ALG10B: variants seen among roughly 807,000 people sequenced by gnomAD.
The protein encoded by ALG10B is dol-P-Glc:Glc(2)Man(9)GlcNAc(2)-PP-Dol alpha-1,2-glucosyltransferase B.
Under a neutral mutation model 38.7 loss-of-function variants are expected in ALG10B, and 27 were observed. The observed-to-expected ratio is 0.70, with a 90% confidence interval of 0.51 to 0.96. The LOEUF is 0.96. Among genes scored for constraint, ALG10B ranks in the 40% least tolerant of loss-of-function variants. The pLI is 0.00. For synonymous variants in ALG10B, 177 were observed against 193.3 expected (o/e 0.92, Z 0.70); for missense variants, 522 against 542.7 (o/e 0.96, Z 0.38).
At position 38,320,963 on chromosome 12, in the gene ALG10B, A is replaced by C; in HGVS notation, c.1172A>C (p.Lys391Thr). 1 of 1,613,592 alleles carries C rather than the reference A, an allele frequency of 6.2e-7. No individual in the cohort carries two copies. The change falls in exon 3 of 3, where the codon AAG becomes ACG. Residue 391 changes from lysine to threonine, a missense_variant. Physicochemically the swap from Lys to Thr is moderately conservative, Grantham distance 78. Transcript: ENST00000308742. ...AGTATAGCTGACTCATTGAAATCAA[A>C]GCCAATTTTTTGGAATTTAATGTTT... Reference protein sequence around the residue: ...GWSIADSLKSKPIFWNLMFFI... With the variant: ...GWSIADSLKSTPIFWNLMFFI...
In ALG10B at chr12:38,321,954, G is replaced by A. The variant is rs1428613069; in HGVS notation, c.*741G>A. ...GGATTTCCTTTATGAAATACATATT[G>A]TATTAGCTTCCCAGGGCTGCCATAA... On this transcript the variant is annotated 3_prime_UTR_variant, in exon 3 of 3. Coordinates refer to ENST00000308742, the MANE Select transcript of ALG10B (RefSeq NM_001013620.4). The A allele has an allele frequency of 6.6e-6, 1 of 152,116 alleles. No homozygotes were observed. Among genetic ancestry groups the A allele is most frequent in the Non-Finnish European group, 1.5e-5 (1 of 67,998 alleles). The allele number at this position is 152,116 out of a possible 1,614,324, so 9.4% of individuals were successfully genotyped here. A position where few individuals can be genotyped will look rare whatever the true frequency, so the allele number is the denominator to read the frequency against.
intron 2 of ALG10B, among the ~76,000 whole-genome samples, chr12:38,318,789 A>C (rs1483630471): frequency 1.3e-5 from 2 of 152,168 alleles, no homozygotes; most frequent in African/African-American, 4.8e-5. Flanking sequence ...AAACGTATAT[A>C]TTCAGTAGGG....
chr12:38,320,716 C>T lies in ALG10B; in HGVS notation c.925C>T (p.Pro309Ser), dbSNP rs1945695636. ...LFFSFPHLLSPSKIKTFLSLV... is the reference protein window; with the variant it reads ...LFFSFPHLLSSSKIKTFLSLV... Reference sequence around the variant, plus strand: ...TTTTTCTTTTCCTCATCTCCTGTCTCCTAGCAAAATTAAGACTTTTCTTTC... The same window carrying T: ...TTTTTCTTTTCCTCATCTCCTGTCTTCTAGCAAAATTAAGACTTTTCTTTC... The change falls in exon 3 of 3, where the codon CCT becomes TCT. Residue 309 changes from proline to serine, a missense_variant. Transcript: ENST00000308742. 3.1e-6 allele frequency: 5 copies of T among 1,613,714 alleles called. No individual in the cohort carries two copies. The highest frequency in any genetic ancestry group is 4.2e-6 in the Non-Finnish European group (5 of 1,179,932).
In ALG10B at chr12:38,324,178, G is replaced by A. The variant is rs557221228; in HGVS notation, c.*2965G>A. 4.8e-5 allele frequency: 20 copies of A among 416,584 alleles called. No homozygotes were observed. Among genetic ancestry groups the A allele is most frequent in the South Asian group, 3.1e-4 (7 of 22,934 alleles). The allele number at this position is 416,584 out of a possible 1,614,324, so 25.8% of individuals were successfully genotyped here. A position where few individuals can be genotyped will look rare whatever the true frequency, so the allele number is the denominator to read the frequency against. ...CTCCCGAGTAGCTGAGATTATAGGCGCCCACCACCAAGCCTGGCTAATTTT... is the reference window on the plus strand; with the variant it reads ...CTCCCGAGTAGCTGAGATTATAGGCACCCACCACCAAGCCTGGCTAATTTT... On this transcript the variant is annotated 3_prime_UTR_variant, in exon 3 of 3. Transcript: ENST00000308742.
In ALG10B at chr12:38,322,329, C is replaced by G. The variant is rs371099846; in HGVS notation, c.*1116C>G. 8.5e-5 allele frequency: 13 copies of G among 152,232 alleles called. No individual in the cohort carries two copies. Among genetic ancestry groups the G allele is most frequent in the African/African-American group, 2.9e-4 (12 of 41,556 alleles). The allele number at this position is 152,232 out of a possible 1,614,324, so 9.4% of individuals were successfully genotyped here. On this transcript the variant is annotated 3_prime_UTR_variant, in exon 3 of 3. Coordinates refer to ENST00000308742, the MANE Select transcript of ALG10B (RefSeq NM_001013620.4). ...GTCTGGAGACCCTTAATTATGTTTACAAAGACCCATGTTCCAAGTAAGTTT... is the reference window on the plus strand; with the variant it reads ...GTCTGGAGACCCTTAATTATGTTTAGAAAGACCCATGTTCCAAGTAAGTTT...
intron 2 of ALG10B, among the ~76,000 whole-genome samples, chr12:38,318,858 T>C (rs535720932): frequency 6.6e-6 from 1 of 152,300 alleles, no homozygotes; most frequent in South Asian, 2.1e-4. Context: ...CGGAGGTCGA[T>C]TGCCTGGGTT....
In ALG10B at chr12:38,327,998, T is replaced by C. The variant is rs1945760840; in HGVS notation, c.*6785T>C. ...ATTAGATTGCAAATCATGAAAAGCA[T>C]AACTTCTAATTGTTTAGTCTTTTTA... On this transcript the variant is annotated 3_prime_UTR_variant, in exon 3 of 3. Transcript: ENST00000308742. The C allele has an allele frequency of 6.6e-6, 1 of 152,192 alleles. No homozygotes were observed. The highest frequency in any genetic ancestry group is 2.4e-5 in the African/African-American group (1 of 41,446). 9.4% of individuals were successfully genotyped at this position (152,192 alleles called of 1,614,324 possible). A position where few individuals can be genotyped will look rare whatever the true frequency, so the allele number is the denominator to read the frequency against.
In ALG10B at chr12:38,317,028, G is replaced by A. The variant is rs148038148; in HGVS notation, c.135G>A (p.Ala45=). The change falls in exon 1 of 3, where the codon GCG becomes GCA. Residue 45 remains alanine, a synonymous_variant. Coordinates refer to ENST00000308742, the MANE Select transcript of ALG10B (RefSeq NM_001013620.4). ...ACGAGATCTTCCACCTGCCTCAGGC[G>A]CAGCGCTACTGTGAGGGCCATTTCT... is the stretch of plus-strand genomic sequence containing the variant. The part of the protein sequence containing the change: ...YMDEIFHLPQ[A]QRYCEGHFSL... The A allele has an allele frequency of 3.4e-4, 550 of 1,614,144 alleles. No individual in the cohort carries two copies. Among genetic ancestry groups the A allele is most frequent in the Non-Finnish European group, 4.4e-4 (523 of 1,180,024 alleles).
In ALG10B at chr12:38,320,664, A is replaced by G. The variant is rs753227503; in HGVS notation, c.873A>G (p.Leu291=). ...SHEACLHFPQ[L]FYFFSFTLFF... is the part of the protein sequence containing the mutation. ...AAGCCTGTCTTCATTTTCCTCAACT[A>G]TTCTACTTTTTTTCATTTACTCTCT... is the stretch of plus-strand genomic sequence containing the variant. The change falls in exon 3 of 3, where the codon CTA becomes CTG. Residue 291 remains leucine (L), a synonymous_variant. Coordinates refer to ENST00000308742, the MANE Select transcript of ALG10B (RefSeq NM_001013620.4). 4 of 1,613,632 alleles carry G rather than the reference A, an allele frequency of 2.5e-6. No homozygotes were observed. Among genetic ancestry groups the G allele is most frequent in the East Asian group, 2.2e-5 (1 of 44,846 alleles).
Position 38,325,808 on chromosome 12 carries a change from G to T in ALG10B, c.*4595G>T, listed in dbSNP as rs1267349983. On this transcript the variant is annotated 3_prime_UTR_variant, in exon 3 of 3. Coordinates refer to ENST00000308742, the MANE Select transcript of ALG10B (RefSeq NM_001013620.4). ...CCTAACTCTAGTCAGTGTCTGATTGGTATGTGTATAACCTTATTTTAAAAA... is the reference window on the plus strand; with the variant it reads ...CCTAACTCTAGTCAGTGTCTGATTGTTATGTGTATAACCTTATTTTAAAAA... The T allele has an allele frequency of 6.6e-6, 1 of 152,028 alleles. No individual in the cohort carries two copies. Among genetic ancestry groups the T allele is most frequent in the Non-Finnish European group, 1.5e-5 (1 of 68,008 alleles). The allele number at this position is 152,028 out of a possible 1,614,324, so 9.4% of individuals were successfully genotyped here.
In ALG10B at chr12:38,328,855, G is replaced by A. The variant is rs1181114927; in HGVS notation, c.*7642G>A. 3 of 204,008 alleles carry A rather than the reference G, an allele frequency of 1.5e-5. No homozygotes were observed. Among genetic ancestry groups the A allele is most frequent in the African/African-American group, 2.3e-5 (1 of 43,732 alleles). 12.6% of individuals were successfully genotyped at this position (204,008 alleles called of 1,614,324 possible). Reference sequence around the variant, plus strand: ...GATGATATCTCATTTGAAAACTCGTGTAACATTGTATCAGCCACTGTTATA... The same window carrying A: ...GATGATATCTCATTTGAAAACTCGTATAACATTGTATCAGCCACTGTTATA... On this transcript the variant is annotated 3_prime_UTR_variant, in exon 3 of 3. Coordinates refer to ENST00000308742, the MANE Select transcript of ALG10B (RefSeq NM_001013620.4).
Position 38,321,804 on chromosome 12 carries a change from G to C in ALG10B, c.*591G>C, listed in dbSNP as rs1436651615. On this transcript the variant is annotated 3_prime_UTR_variant, in exon 3 of 3. Coordinates refer to ENST00000308742, the MANE Select transcript of ALG10B (RefSeq NM_001013620.4). ...ATAAAGTAGAGACTCATATATGTCT[G>C]TCTAGGCATCAAATTGTTGGTTATT... The C allele has an allele frequency of 1.3e-5, 2 of 152,630 alleles. No homozygotes were observed. The highest frequency in any genetic ancestry group is 4.8e-5 in the African/African-American group (2 of 41,442). 9.5% of individuals were successfully genotyped at this position (152,630 alleles called of 1,614,324 possible). A position where few individuals can be genotyped will look rare whatever the true frequency, so the allele number is the denominator to read the frequency against.
chr12:38,319,263 A>T (rs181796413), intron 2 of ALG10B, among the ~76,000 whole-genome samples: 1 of 152,260 alleles, frequency 6.6e-6, no homozygotes, highest in East Asian at 1.9e-4. Flanking sequence ...TGATGAACGG[A>T]TAGGGCTGTG....
In ALG10B at chr12:38,327,059, G is replaced by T. The variant is rs186547040; in HGVS notation, c.*5846G>T. The T allele has an allele frequency of 6.8e-6, 1 of 147,768 alleles. No homozygotes were observed. The highest frequency in any genetic ancestry group is 2.5e-5 in the African/African-American group (1 of 40,464). 9.2% of individuals were successfully genotyped at this position (147,768 alleles called of 1,614,324 possible). On this transcript the variant is annotated 3_prime_UTR_variant, in exon 3 of 3. Coordinates refer to ENST00000308742, the MANE Select transcript of ALG10B (RefSeq NM_001013620.4). ...TATATTTATATATACAAATATATAC[G>T]TATTTATATATACAAATTTGTATAT...
intron 2 of ALG10B, among the ~76,000 whole-genome samples, chr12:38,319,613 C>T (rs1441262711): frequency 1.3e-5 from 2 of 152,114 alleles, no homozygotes; most frequent in Non-Finnish European, 2.9e-5. Flanking sequence ...TAGACTGGCT[C>T]ACTTTTCAGA....
Position 38,322,443 on chromosome 12 carries a change from C to T in ALG10B, c.*1230C>T, listed in dbSNP as rs1201172947. ...CTAAAGGACATTTTAGGATAATCCT[C>T]ATATGATTGTTAGGAGACTACCTTT... On this transcript the variant is annotated 3_prime_UTR_variant, in exon 3 of 3. Coordinates refer to ENST00000308742, the MANE Select transcript of ALG10B (RefSeq NM_001013620.4). The T allele has an allele frequency of 6.6e-6, 1 of 152,164 alleles. No homozygotes were observed. Among genetic ancestry groups the T allele is most frequent in the Non-Finnish European group, 1.5e-5 (1 of 68,034 alleles). The allele number at this position is 152,164 out of a possible 1,614,324, so 9.4% of individuals were successfully genotyped here. A position where few individuals can be genotyped will look rare whatever the true frequency, so the allele number is the denominator to read the frequency against.
rs1945719750 is a variant in ALG10B at position 38,323,586 on chromosome 12, G to A, written c.*2373G>A. 4.2e-6 allele frequency: 1 copy of A among 237,358 alleles called. No homozygotes were observed. The highest frequency in any genetic ancestry group is 2.2e-5 in the African/African-American group (1 of 44,616). The allele number at this position is 237,358 out of a possible 1,614,324, so 14.7% of individuals were successfully genotyped here. ...AATTTTGCTTCTCTGAGTTTTAAGT[G>A]ATGAGTCTACATTTACAAATATAAA... On this transcript the variant is annotated 3_prime_UTR_variant, in exon 3 of 3. Transcript: ENST00000308742.
intron 1 of ALG10B, 104 bp downstream of exon 1, chr12:38,317,168 C>G: frequency 6.6e-7 from 1 of 1,523,814 alleles, no homozygotes; most frequent in South Asian, 1.2e-5. Context: ...TTCCACCCCA[C>G]CCCAGCCTCA....
rs1945749029 is a variant in ALG10B, at chr12:38,326,893, TATA to T, written c.*5684_*5686del. 1 of 151,602 alleles carries T rather than the reference TATA, an allele frequency of 6.6e-6. No homozygotes were observed. Among genetic ancestry groups the T allele is most frequent in the Non-Finnish European group, 1.5e-5 (1 of 67,896 alleles). The allele number at this position is 151,602 out of a possible 1,614,324, so 9.4% of individuals were successfully genotyped here. On this transcript the variant is annotated 3_prime_UTR_variant, in exon 3 of 3. Coordinates refer to ENST00000308742, the MANE Select transcript of ALG10B (RefSeq NM_001013620.4). ...TCTAGGGTAAGAAATTCTGTCACAATATAATATCTCTATATTGTGCTTTTTTAA... is the reference window on the plus strand; with the variant it reads ...TCTAGGGTAAGAAATTCTGTCACAATATATCTCTATATTGTGCTTTTTTAA...
Sources: gnomAD v4.1 joint callset for allele counts (sites outside exome capture counted in the v4.1 genomes callset) on GRCh38, gnomAD v4.1.1 for gene constraint, MANE v1.5 for transcripts, NCBI Gene and HGNC (gene_info 2026-07-23, HGNC 2026-07-21) for gene names.